The following DNASE2B variants were observed in gnomAD, a reference collection of about 807,000 sequenced individuals.
The protein encoded by DNASE2B is deoxyribonuclease 2 beta, also known as deoxyribonuclease-2-beta.
Under a neutral mutation model 46.0 loss-of-function variants are expected in DNASE2B, and 43 were observed. That is an observed-to-expected ratio of 0.94 (90% CI 0.73 to 1.21). DNASE2B has a LOEUF of 1.21. Among genes scored for constraint, DNASE2B ranks in the 50% most tolerant of loss-of-function variants. The pLI is 0.00. For missense variants in DNASE2B, 395 were observed against 414.4 expected (o/e 0.95, Z 0.41); for synonymous variants, 156 against 152.5 (o/e 1.02, Z -0.17).
At chr1:84,401,121 C>T (rs757317144) in intron 1 of DNASE2B, among the ~76,000 whole-genome samples, 5 of 152,182 alleles carry the variant, frequency 3.3e-5, no homozygotes, top group Admixed American at 6.5e-5. Flanking sequence ...GGTTCTCAAC[C>T]GAGGGTAATT....
chr1:84,405,028 T>C (rs557228693), intron 2 of DNASE2B, among the ~76,000 whole-genome samples: 1 of 152,306 alleles, frequency 6.6e-6, no homozygotes, highest in East Asian at 1.9e-4. Flanking sequence ...AGGAAGAAAT[T>C]ATTTCCCCTC....
intron 1 of DNASE2B, among the ~76,000 whole-genome samples, chr1:84,399,594 G>A (rs1330384065): frequency 3.3e-5 from 5 of 152,296 alleles, no homozygotes; most frequent in African/African-American, 1.2e-4. Context: ...AGAAGTAGCT[G>A]GAAAAAGAAG....
chr1:84,407,171 G>T (rs1204161657), intron 2 of DNASE2B, among the ~76,000 whole-genome samples: 1 of 152,076 alleles, frequency 6.6e-6, no homozygotes, highest in African/African-American at 2.4e-5. Flanking sequence ...CTTAACCTCA[G>T]CTGGCAGTTA....
intron 5 of DNASE2B, among the ~76,000 whole-genome samples, chr1:84,413,145 A>G (rs568520769): frequency 5.9e-5 from 9 of 151,890 alleles, no homozygotes; most frequent in Non-Finnish European, 1.2e-4. Flanking sequence ...CTTTCTCATA[A>G]CATACAAACA....
chr1:84,407,072 C>T (rs983671359), intron 2 of DNASE2B, among the ~76,000 whole-genome samples: 1 of 152,196 alleles, frequency 6.6e-6, no homozygotes, highest in Admixed American at 6.5e-5. Flanking sequence ...TAAAGCTATT[C>T]AAAGGCACAT....
At chr1:84,410,572 A>C (rs1309469574) in intron 3 of DNASE2B, among the ~76,000 whole-genome samples, 2 of 152,212 alleles carry the variant, frequency 1.3e-5, no homozygotes, top group Non-Finnish European at 2.9e-5. Context: ...TTTCCTTGTG[A>C]TTTCAAAATG....
chr1:84,398,878 T>G (rs527270032), intron 1 of DNASE2B, among the ~76,000 whole-genome samples, 189 bp downstream of exon 1: 136 of 152,274 alleles, frequency 8.9e-4, no homozygotes, highest in Admixed American at 2.0e-3. Flanking sequence ...AGTTTCCCCC[T>G]GAAAAAGAGC....
chr1:84,411,736 G>T (rs1327471865), intron 4 of DNASE2B, among the ~76,000 whole-genome samples: 2 of 152,120 alleles, frequency 1.3e-5, no homozygotes, highest in African/African-American at 4.8e-5. Context: ...AGAAACAGGA[G>T]ATTTAGAAAA....
chr1:84,411,400 T>A (rs1680588983), intron 4 of DNASE2B, among the ~76,000 whole-genome samples: 1 of 149,880 alleles, frequency 6.7e-6, no homozygotes, highest in Admixed American at 6.7e-5. Context: ...ATCTCCTTAT[T>A]TCTCATGAAG....
chr1:84,408,376 ATGT>A, intron 2 of DNASE2B, 58 bp from the exon 3 acceptor site: 2 of 1,536,204 alleles, frequency 1.3e-6, no homozygotes, highest in South Asian at 1.3e-5. Context: ...GCTGGTAGAA[ATGT>A]TGTGGGCGTT....
At chr1:84,411,425 G>GGTGTGT (rs71097845) in intron 4 of DNASE2B, among the ~76,000 whole-genome samples, 2 of 139,348 alleles carry the variant, frequency 1.4e-5, no homozygotes, top group African/African-American at 5.4e-5. Context: ...AGAAACCTAG[G>GGTGTGT]GTGTGTGTGT....
chr1:84,414,503 C>A, intron 5 of DNASE2B, 25 bp from the exon 6 acceptor site: 1 of 1,560,720 alleles, frequency 6.4e-7, no homozygotes, highest in Non-Finnish European at 8.7e-7. Flanking sequence ...ACCAACCTCA[C>A]TATCTTTCTC....
Position 84,411,052 on chromosome 1 carries a change from T to C in DNASE2B, c.547+53T>C, listed in dbSNP as rs146489254. ...ACGATAACTATGTTGAAGAAATGATTTGGAAATATATTCATAAATGTGTCA... is the reference window on the plus strand; with the variant it reads ...ACGATAACTATGTTGAAGAAATGATCTGGAAATATATTCATAAATGTGTCA... On this transcript the variant is annotated intron_variant, in intron 4 of 5. Coordinates refer to ENST00000370665, the MANE Select transcript of DNASE2B (RefSeq NM_021233.3). 5.1e-5 allele frequency: 77 copies of C among 1,510,348 alleles called. No individual in the cohort carries two copies. The East Asian group carries it at 1.8e-3, about 36-fold the overall frequency. The allele number at this position is 1,510,348 out of a possible 1,614,324, so 93.6% of individuals were successfully genotyped here. A position where few individuals can be genotyped will look rare whatever the true frequency, so the allele number is the denominator to read the frequency against.
chr1:84,413,335 C>T (rs978978940), intron 5 of DNASE2B, among the ~76,000 whole-genome samples: 18 of 152,174 alleles, frequency 1.2e-4, no homozygotes, highest in African/African-American at 4.3e-4. Flanking sequence ...TCTTAGATGA[C>T]CTCACTGTCT....
At chr1:84,405,115 A>T (rs1484293868) in intron 2 of DNASE2B, among the ~76,000 whole-genome samples, 1 of 145,860 alleles carries the variant, frequency 6.9e-6, no homozygotes, top group Non-Finnish European at 1.5e-5. Flanking sequence ...TGTTATCTTA[A>T]TTTTTTTTTT....
intron 2 of DNASE2B, among the ~76,000 whole-genome samples, chr1:84,403,994 A>G (rs373300573): frequency 7.1e-6 from 1 of 140,860 alleles, no homozygotes; most frequent in East Asian, 2.1e-4. Context: ...GTGGGTAAAG[A>G]TAGGGTTTCA....
intron 4 of DNASE2B, among the ~76,000 whole-genome samples, chr1:84,411,687 G>C (rs1680600872): frequency 1.3e-5 from 2 of 152,146 alleles, no homozygotes; most frequent in Non-Finnish European, 2.9e-5. Flanking sequence ...AGTAGGGACA[G>C]GTTGGTAGCT....
chr1:84,410,935 A>T lies in DNASE2B; in HGVS notation c.483A>T (p.Thr161=). 6.2e-7 allele frequency: 1 copy of T among 1,613,064 alleles called. No individual in the cohort carries two copies. ...AAGAAGGCTATGATTATCCACCCAC[A>T]GGGAGACGAAATGGACAAAGTGGCA... ...IPEEGYDYPP[T]GRRNGQSGIC... is the part of the protein sequence containing the mutation. Residue 161 remains threonine (T), a synonymous_variant, in exon 4 of 6, where the codon ACA becomes ACT. Coordinates refer to ENST00000370665, the MANE Select transcript of DNASE2B (RefSeq NM_021233.3).
rs1680431742 is a variant in DNASE2B, at chr1:84,402,097, T to A, written c.303+19T>A. On this transcript the variant is annotated intron_variant, in intron 2 of 5. Coordinates refer to ENST00000370665, the MANE Select transcript of DNASE2B (RefSeq NM_021233.3). ...CTCTAAGGTATGTTATATAGTTAAT[T>A]GTTCACTTGAATAATATAAAATGCA... 1.9e-6 allele frequency: 3 copies of A among 1,573,306 alleles called. No homozygotes were observed. Among genetic ancestry groups the A allele is most frequent in the Non-Finnish European group, 1.7e-6 (2 of 1,167,402 alleles).
Sources: gnomAD v4.1 joint callset for allele counts (sites outside exome capture counted in the v4.1 genomes callset) on GRCh38, gnomAD v4.1.1 for gene constraint, MANE v1.5 for transcripts, NCBI Gene and HGNC (gene_info 2026-07-23, HGNC 2026-07-21) for gene names.